The following KYNU variants were observed in gnomAD, a reference collection of about 807,000 sequenced individuals.
KYNU encodes the protein kynureninase.
KYNU carries 54 observed loss-of-function variants against 59.2 expected under a neutral mutation model. The ratio of observed to expected loss-of-function variants is 0.91; its 90% confidence interval spans 0.73 to 1.14. KYNU has a LOEUF of 1.14. Among genes scored for constraint, KYNU ranks in the 50% most tolerant of loss-of-function variants. The pLI, the probability that KYNU is intolerant of heterozygous loss-of-function variation, is 0.00. For missense variants in KYNU, 567 were observed against 554.4 expected, an observed-to-expected ratio of 1.02 and a Z score of -0.23; for synonymous variants, 177 against 192.0, an observed-to-expected ratio of 0.92 and a Z score of 0.65.
intron 10 of KYNU, 94 bp from the exon 11 acceptor site, chr2:143,029,533 C>T: frequency 1.3e-6 from 1 of 778,450 alleles, no homozygotes; most frequent in Non-Finnish European, 2.3e-6. Flanking sequence ...TGGCAGTGAG[C>T]TGAGATCACG....
At chr2:142,920,271 C>T (rs745377474) in intron 3 of KYNU, among the ~76,000 whole-genome samples, 1 of 152,190 alleles carries the variant, frequency 6.6e-6, no homozygotes, top group Non-Finnish European at 1.5e-5. Flanking sequence ...CATACCACCA[C>T]ATTTGCTCTA....
chr2:142,884,688 CTTTTTTTTT>C (rs70997529), intron 1 of KYNU, among the ~76,000 whole-genome samples: 57 of 77,056 alleles, frequency 7.4e-4, no homozygotes, highest in African/African-American at 2.4e-3. Flanking sequence ...TTCTCTTTTC[CTTTTTTTTT>C]TTTTTTTTTT....
chr2:142,936,603 C>T (rs973332568), intron 4 of KYNU, among the ~76,000 whole-genome samples: 4 of 152,126 alleles, frequency 2.6e-5, no homozygotes, highest in Non-Finnish European at 5.9e-5. Flanking sequence ...AGAGGTGTCC[C>T]CTAAGAACAG....
chr2:143,013,427 T>C (rs1482300987), intron 10 of KYNU, among the ~76,000 whole-genome samples: 1 of 152,162 alleles, frequency 6.6e-6, no homozygotes, highest in Non-Finnish European at 1.5e-5. Context: ...CAGATATCTT[T>C]ACAAGGTGCT....
intron 13 of KYNU, among the ~76,000 whole-genome samples, chr2:143,041,406 A>G (rs1687040618): frequency 6.6e-6 from 1 of 152,084 alleles, no homozygotes; most frequent in Non-Finnish European, 1.5e-5. Flanking sequence ...AAAGTTCATT[A>G]GGATCTATTG....
intron 4 of KYNU, chr2:142,947,333 T>C (rs1280263939): frequency 3.7e-6 from 4 of 1,083,192 alleles, no homozygotes; most frequent in Non-Finnish European, 5.2e-6. Context: ...ATTTTTTCTA[T>C]TGCAGATGGG....
intron 4 of KYNU, among the ~76,000 whole-genome samples, chr2:142,945,651 A>G (rs773267942): frequency 7.2e-5 from 11 of 152,198 alleles, no homozygotes; most frequent in Non-Finnish European, 1.5e-4. Flanking sequence ...GATCCTTTCC[A>G]GAAGGTTTTC....
chr2:143,010,828 A>G (rs537830271), intron 10 of KYNU, among the ~76,000 whole-genome samples: 18 of 144,928 alleles, frequency 1.2e-4, no homozygotes, highest in Non-Finnish European at 1.9e-4. Flanking sequence ...TCCCTATTTA[A>G]TAAATGGTGC....
intron 3 of KYNU, among the ~76,000 whole-genome samples, chr2:142,922,963 T>C (rs1190873114): frequency 6.6e-6 from 1 of 152,194 alleles, no homozygotes; most frequent in Non-Finnish European, 1.5e-5. Context: ...TAAGGTCTGC[T>C]CTCTGCTTCC....
chr2:143,018,803 T>G (rs352927), intron 10 of KYNU, among the ~76,000 whole-genome samples: 18,722 of 152,158 alleles, frequency 0.12, 1,320 homozygotes, highest in East Asian at 0.25. Flanking sequence ...TCTGATTTCT[T>G]TTGGCAGAGT....
intron 4 of KYNU, among the ~76,000 whole-genome samples, chr2:142,939,029 C>T (rs977673802): frequency 6.6e-6 from 1 of 152,010 alleles, no homozygotes; most frequent in Non-Finnish European, 1.5e-5. Flanking sequence ...GTGGGTGGCT[C>T]ATACCTGTAG....
intron 8 of KYNU, among the ~76,000 whole-genome samples, chr2:142,970,691 C>G (rs1684693026): frequency 6.6e-6 from 1 of 152,158 alleles, no homozygotes; most frequent in South Asian, 2.1e-4. Flanking sequence ...CTTGAATTTC[C>G]TGCATCGTGT....
At chr2:142,944,395 A>G (rs1043907841) in intron 4 of KYNU, among the ~76,000 whole-genome samples, 5 of 152,218 alleles carry the variant, frequency 3.3e-5, no homozygotes, top group Admixed American at 6.5e-5. Flanking sequence ...CAATAAATAA[A>G]TAAACAAGGA....
chr2:143,019,525 T>A (rs1346599166), intron 10 of KYNU, among the ~76,000 whole-genome samples: 1 of 152,148 alleles, frequency 6.6e-6, no homozygotes, highest in Admixed American at 6.5e-5. Context: ...TGGTGAATAA[T>A]CTTTTTAATG....
chr2:142,897,124 A>C (rs1464768674), intron 2 of KYNU, among the ~76,000 whole-genome samples: 1 of 152,164 alleles, frequency 6.6e-6, no homozygotes, highest in Non-Finnish European at 1.5e-5. Context: ...TGGTTAGAAA[A>C]CATTTGTTAA....
chr2:142,958,504 A>C (rs897669764), intron 7 of KYNU, among the ~76,000 whole-genome samples: 9 of 152,210 alleles, frequency 5.9e-5, no homozygotes, highest in African/African-American at 2.2e-4. Context: ...TGTTTGGACA[A>C]TTACTTCTTT....
intron 2 of KYNU, among the ~76,000 whole-genome samples, chr2:142,916,779 A>T (rs1052761730): frequency 6.6e-6 from 1 of 152,216 alleles, no homozygotes; most frequent in Non-Finnish European, 1.5e-5. Context: ...AAAGAGTTGG[A>T]AAACAATACC....
At chr2:143,019,087 T>G (rs1237249005) in intron 10 of KYNU, among the ~76,000 whole-genome samples, 1 of 152,098 alleles carries the variant, frequency 6.6e-6, no homozygotes, top group Admixed American at 6.5e-5. Context: ...TTAAGAGAGA[T>G]AATTTAACTT....
In KYNU at chr2:143,051,513, T is replaced by C. The variant is rs1377049702; in HGVS notation, c.*9341T>C. Reference sequence around the variant, plus strand: ...TTTTGTCTGGGATAATAAGATGTTTTATTTAACTTGTTTGATTTTGTAGTT... The same window carrying C: ...TTTTGTCTGGGATAATAAGATGTTTCATTTAACTTGTTTGATTTTGTAGTT... On this transcript the variant is annotated 3_prime_UTR_variant, in exon 14 of 14. Coordinates refer to ENST00000264170, the MANE Select transcript of KYNU (RefSeq NM_003937.3). 2 of 152,314 alleles carry C rather than the reference T, an allele frequency of 1.3e-5. No homozygotes were observed. Among genetic ancestry groups the C allele is most frequent in the East Asian group, 3.9e-4 (2 of 5,190 alleles). 9.4% of individuals were successfully genotyped at this position (152,314 alleles called of 1,614,324 possible). A position where few individuals can be genotyped will look rare whatever the true frequency, so the allele number is the denominator to read the frequency against.
Sources: allele counts gnomAD v4.1 joint callset (sites outside exome capture counted in the v4.1 genomes callset), GRCh38; gene constraint gnomAD v4.1.1; transcripts MANE v1.5; gene names NCBI Gene and HGNC (gene_info 2026-07-23, HGNC 2026-07-21).